CDYL: variants seen among roughly 807,000 people sequenced by gnomAD.
CDYL encodes chromodomain Y-like protein.
CDYL carries 8 observed loss-of-function variants against 47.3 expected under a neutral mutation model. The ratio of observed to expected loss-of-function variants is 0.17; its 90% CI spans 0.10 to 0.31. The LOEUF (loss-of-function observed/expected upper bound fraction) is 0.31. CDYL is among the 10% of genes least tolerant of loss of function. The pLI is 1.00. For synonymous variants in CDYL, 266 were observed against 265.0 expected (o/e 1.00, Z -0.04); for missense variants, 471 against 701.4 (o/e 0.67, Z 3.71).
chr6:4,842,821 A>G (rs1760540409), intron 1 of CDYL, among the ~76,000 whole-genome samples: 1 of 151,106 alleles, frequency 6.6e-6, no homozygotes, highest in African/African-American at 2.4e-5. Flanking sequence ...GAATATGAAA[A>G]CCCTTGTGGG....
At chr6:4,952,232 CA>C (rs770638404) in intron 5 of CDYL, 33 bp from the exon 6 acceptor site, 29 of 1,602,308 alleles carry the variant, frequency 1.8e-5, no homozygotes, top group Middle Eastern at 3.3e-4. Context: ...CCTCCCACCG[CA>C]ATTCATATTA....
chr6:4,890,588 A>T (rs1762014995), intron 1 of CDYL, among the ~76,000 whole-genome samples: 1 of 152,202 alleles, frequency 6.6e-6, no homozygotes, highest in South Asian at 2.1e-4. Flanking sequence ...AGAGCAGAGA[A>T]AATGATGGGG....
At chr6:4,811,356 G>A (rs899453403) in intron 1 of CDYL, among the ~76,000 whole-genome samples, 6 of 152,134 alleles carry the variant, frequency 3.9e-5, no homozygotes, top group African/African-American at 1.2e-4. Context: ...ACTTAAAATA[G>A]CATTTTTAAA....
chr6:4,836,560 T>C (rs1760313752), intron 1 of CDYL, among the ~76,000 whole-genome samples: 1 of 152,220 alleles, frequency 6.6e-6, no homozygotes, highest in African/African-American at 2.4e-5. Context: ...GTCAGTACTT[T>C]GTCCTTCTAA....
chr6:4,761,067 T>C (rs1758167882), intron 3 of CDYL, among the ~76,000 whole-genome samples: 1 of 152,198 alleles, frequency 6.6e-6, no homozygotes, highest in Non-Finnish European at 1.5e-5. Context: ...AGACTCTCTT[T>C]TATAGAAATG....
chr6:4,847,239 A>G (rs532168798), intron 1 of CDYL, among the ~76,000 whole-genome samples: 2 of 152,264 alleles, frequency 1.3e-5, no homozygotes, highest in Non-Finnish European at 2.9e-5. Flanking sequence ...TGGTGCATCA[A>G]AGTTGAGTCT....
At chr6:4,782,753 A>G (rs1382042229) in intron 1 of CDYL, among the ~76,000 whole-genome samples, 3 of 152,220 alleles carry the variant, frequency 2.0e-5, no homozygotes, top group Non-Finnish European at 4.4e-5. Flanking sequence ...GCAAGTATTA[A>G]AAACTGCATC....
At chr6:4,805,483 T>G (rs899298146) in intron 1 of CDYL, among the ~76,000 whole-genome samples, 7 of 152,132 alleles carry the variant, frequency 4.6e-5, no homozygotes, top group South Asian at 2.1e-4. Context: ...TAGAGAGAGA[T>G]ATATAGAACC....
At position 4,920,125 on chromosome 6, in the gene CDYL, C is replaced by G. The variant is rs375397378; in HGVS notation, c.692-15390C>G. ...AAAAAGGATAAATAACTAAACAGTT[C>G]CACTTACAAGAGGTACCTAGAGTAA... On this transcript the variant is annotated intron_variant, in intron 2 of 6. Coordinates refer to ENST00000397588, the MANE Select transcript of CDYL (RefSeq NM_004824.4). 1.4e-4 allele frequency among the ~76,000 whole-genome samples: 22 copies of G among 152,228 alleles called. No individual in the cohort carries two copies. In the East Asian group the frequency reaches 3.9e-3, roughly 27 times the overall value.
intron 2 of CDYL, among the ~76,000 whole-genome samples, chr6:4,727,577 C>A (rs955533112): frequency 2.3e-4 from 34 of 150,626 alleles, no homozygotes; most frequent in Non-Finnish European, 1.2e-4. Flanking sequence ...CAGTCACTAT[C>A]CCCTGCCTCC....
At chr6:4,843,992 A>C (rs527907151) in intron 1 of CDYL, among the ~76,000 whole-genome samples, 1 of 152,144 alleles carries the variant, frequency 6.6e-6, no homozygotes, top group African/African-American at 2.4e-5. Context: ...AAAGGCTGCT[A>C]TTCAGATTCT....
intron 1 of CDYL, among the ~76,000 whole-genome samples, chr6:4,840,171 A>G (rs1304648305): frequency 2.7e-5 from 4 of 150,556 alleles, no homozygotes; most frequent in Admixed American, 2.0e-4. Context: ...TTTTTCAACT[A>G]TTTTTAAAGG....
At chr6:4,849,507 C>G (rs1760760126) in intron 1 of CDYL, among the ~76,000 whole-genome samples, 1 of 152,124 alleles carries the variant, frequency 6.6e-6, no homozygotes, top group African/African-American at 2.4e-5. Context: ...GATTAACAAT[C>G]TTAAGTCTTT....
intron 1 of CDYL, among the ~76,000 whole-genome samples, chr6:4,794,548 T>C (rs2127436180): frequency 6.6e-6 from 1 of 151,816 alleles, no homozygotes; most frequent in East Asian, 1.9e-4. Flanking sequence ...AGAGGAATGA[T>C]GGTAGTTGTG....
At chr6:4,758,968 C>CTT (rs753662724) in intron 3 of CDYL, among the ~76,000 whole-genome samples, 55 of 131,910 alleles carry the variant, frequency 4.2e-4, no homozygotes, top group African/African-American at 8.7e-4. Flanking sequence ...TTTTCTTTTT[C>CTT]TTTTTTTTTT....
intron 2 of CDYL, among the ~76,000 whole-genome samples, chr6:4,924,695 C>A (rs1173808019): frequency 6.6e-6 from 1 of 151,954 alleles, no homozygotes; most frequent in Non-Finnish European, 1.5e-5. Flanking sequence ...TTTCTCGAGT[C>A]AACCAAAAAA....
intron 1 of CDYL, among the ~76,000 whole-genome samples, chr6:4,849,684 A>G (rs1280409945): frequency 7.2e-6 from 1 of 138,004 alleles, no homozygotes; most frequent in East Asian, 2.0e-4. Flanking sequence ...CATGCCAGGA[A>G]AAAAAAAAAA....
At chr6:4,777,226 C>CG (rs1003718177) in intron 1 of CDYL, among the ~76,000 whole-genome samples, 2 of 148,546 alleles carry the variant, frequency 1.3e-5, no homozygotes, top group East Asian at 3.9e-4. Context: ...TGCCCCTGGT[C>CG]GGGGGGTGGC....
chr6:4,790,710 T>C (rs1758894996), intron 1 of CDYL, among the ~76,000 whole-genome samples: 1 of 152,210 alleles, frequency 6.6e-6, no homozygotes, highest in African/African-American at 2.4e-5. Flanking sequence ...AAATCTTTTG[T>C]ATGGACCCAA....
Sources: allele counts gnomAD v4.1 joint callset (sites outside exome capture counted in the v4.1 genomes callset), GRCh38; gene constraint gnomAD v4.1.1; transcripts MANE v1.5; gene names NCBI Gene and HGNC (gene_info 2026-07-23, HGNC 2026-07-21).